Variants in NXN observed in about 807,000 individuals in gnomAD.
NXN encodes nucleoredoxin 1.
NXN carries 16 observed loss-of-function variants against 48.6 expected under a neutral mutation model. The ratio of observed to expected loss-of-function variants is 0.33; its 90% CI spans 0.22 to 0.50. NXN has a LOEUF of 0.50. Ranked by LOEUF, NXN falls within the 20% of genes least tolerant of loss-of-function variation. The pLI is 0.98. For synonymous variants in NXN, 281 were observed against 269.6 expected (o/e 1.04, Z -0.41); for missense variants, 492 against 605.5 (o/e 0.81, Z 1.97).
At chr17:874,922 G>A (rs1035582312) in intron 1 of NXN, among the ~76,000 whole-genome samples, 5 of 152,068 alleles carry the variant, frequency 3.3e-5, no homozygotes, top group Non-Finnish European at 5.9e-5. Context: ...CTACAGAAAA[G>A]AACAATTTCA....
chr17:823,937 C>T (rs536077314), intron 2 of NXN, among the ~76,000 whole-genome samples, 172 bp from the exon 3 acceptor site: 2 of 152,200 alleles, frequency 1.3e-5, no homozygotes, highest in African/African-American at 4.8e-5. Flanking sequence ...ACACCTACAG[C>T]GTCTGCAGCT....
At chr17:893,149 G>A (rs1415193451) in intron 1 of NXN, among the ~76,000 whole-genome samples, 18 of 152,344 alleles carry the variant, frequency 1.2e-4, no homozygotes, top group African/African-American at 4.1e-4. Flanking sequence ...ACACGCCTAC[G>A]CAGGCCAAGT....
intron 1 of NXN, among the ~76,000 whole-genome samples, chr17:855,332 C>T (rs2067973828): frequency 1.3e-5 from 2 of 152,138 alleles, no homozygotes; most frequent in Admixed American, 1.3e-4. Flanking sequence ...AGAGAGGCAG[C>T]CTTTGAATCC....
intron 1 of NXN, among the ~76,000 whole-genome samples, chr17:832,413 C>T (rs1443844647): frequency 6.6e-6 from 1 of 151,588 alleles, no homozygotes; most frequent in Non-Finnish European, 1.5e-5. Flanking sequence ...GTCTCGATCT[C>T]CTGACCTCGT....
chr17:804,606 C>G (rs1911385921), intron 6 of NXN, among the ~76,000 whole-genome samples: 1 of 152,118 alleles, frequency 6.6e-6, no homozygotes, highest in Admixed American at 6.5e-5. Flanking sequence ...CCACGGAGCT[C>G]AGACTGGGTG....
chr17:812,782 A>G (rs956143600), intron 5 of NXN, among the ~76,000 whole-genome samples: 6 of 120,414 alleles, frequency 5.0e-5, no homozygotes, highest in Non-Finnish European at 9.3e-5. Flanking sequence ...AGGTGTGTGC[A>G]TGTGTGTAGG....
intron 1 of NXN, among the ~76,000 whole-genome samples, chr17:931,472 A>G (rs2068852589): frequency 6.6e-6 from 1 of 150,534 alleles, no homozygotes; most frequent in African/African-American, 2.5e-5. Context: ...AACAAGAAAG[A>G]TAAAGTCATA....
At chr17:943,566 A>C (rs948064086) in intron 1 of NXN, among the ~76,000 whole-genome samples, 2 of 152,232 alleles carry the variant, frequency 1.3e-5, no homozygotes, top group African/African-American at 4.8e-5. Context: ...TCACGCCTGT[A>C]ATCCCAGCAG....
At position 832,923 on chromosome 17, in the gene NXN, C is replaced by T. The variant is rs193133913; in HGVS notation, c.361-6845G>A. 8.1e-3 allele frequency among the ~76,000 whole-genome samples: 1,203 copies of T among 148,500 alleles called. 22 individuals are homozygous for T. The highest frequency in any genetic ancestry group is 0.028 in the African/African-American group (1,127 of 40,408). On this transcript the variant is annotated intron_variant, in intron 1 of 7. Transcript: ENST00000336868. Reference sequence around the variant, plus strand: ...TATTTGTTTCTTTGAGACGGAGTCTCGCTGTCCCCCAGGCTGGAGTGCAGT... The same window carrying T: ...TATTTGTTTCTTTGAGACGGAGTCTTGCTGTCCCCCAGGCTGGAGTGCAGT...
intron 1 of NXN, among the ~76,000 whole-genome samples, chr17:970,672 T>C (rs1042902655): frequency 2.6e-5 from 4 of 152,196 alleles, no homozygotes; most frequent in Non-Finnish European, 4.4e-5. Context: ...TAAGGTACAA[T>C]TCCGTGAACA....
chr17:811,738 G>A (rs928754418), intron 5 of NXN, among the ~76,000 whole-genome samples: 2 of 152,006 alleles, frequency 1.3e-5, no homozygotes, highest in African/African-American at 4.8e-5. Flanking sequence ...GGCAGAGGCC[G>A]CCACCCTGTG....
intron 1 of NXN, among the ~76,000 whole-genome samples, chr17:971,445 T>C (rs1036318322): frequency 6.6e-5 from 10 of 151,172 alleles, no homozygotes; most frequent in African/African-American, 2.4e-4. Context: ...GCGCGGTGGC[T>C]CACGCCTGTC....
intron 1 of NXN, among the ~76,000 whole-genome samples, chr17:871,311 A>G (rs1318318011): frequency 3.3e-5 from 5 of 151,798 alleles, no homozygotes; most frequent in African/African-American, 1.2e-4. Flanking sequence ...CTCAATGATG[A>G]GGCCAACAAG....
At chr17:906,351 T>C (rs933638211) in intron 1 of NXN, among the ~76,000 whole-genome samples, 1 of 149,670 alleles carries the variant, frequency 6.7e-6, no homozygotes, top group East Asian at 2.0e-4. Context: ...ATAAATACCA[T>C]GTTTTTTAAA....
intron 1 of NXN, among the ~76,000 whole-genome samples, chr17:856,533 C>G (rs1237078324): frequency 6.7e-6 from 1 of 149,314 alleles, no homozygotes; most frequent in East Asian, 2.0e-4. Context: ...CTCTGTCGCC[C>G]AGGCTGGAGT....
At position 807,469 on chromosome 17, in the gene NXN, C is replaced by T. The variant is rs370586946; in HGVS notation, c.821-2222G>A. On this transcript the variant is annotated intron_variant, in intron 5 of 7. Coordinates refer to ENST00000336868, the MANE Select transcript of NXN (RefSeq NM_022463.5). ...AAGCTGCCCATTTCCCGGCTCAGCG[C>T]CTGGGGCTCTCCGAGGGCCTCCTCC... 1.6e-4 allele frequency among the ~76,000 whole-genome samples: 25 copies of T among 152,316 alleles called. No homozygotes were observed. The East Asian group carries it at 3.3e-3, about 20-fold the overall frequency.
At chr17:817,802 T>G (rs906358066) in intron 5 of NXN, among the ~76,000 whole-genome samples, 1 of 152,136 alleles carries the variant, frequency 6.6e-6, no homozygotes, top group Non-Finnish European at 1.5e-5. Context: ...TAGCTGTATC[T>G]GTTTACAGCT....
intron 1 of NXN, among the ~76,000 whole-genome samples, chr17:916,810 A>G (rs1384790100): frequency 6.6e-6 from 1 of 152,172 alleles, no homozygotes; most frequent in East Asian, 1.9e-4. Context: ...AGGCAGGAGA[A>G]TCACTTGAAC....
rs546087776 is a variant in NXN, at chr17:895,626, C to T, written c.361-69548G>A. ...AGGAGATCAAGACCATCCTGGCTAA[C>T]ACGGTGAAACCCCGTCTCTACTTAA... On this transcript the variant is annotated intron_variant, in intron 1 of 7. Coordinates refer to ENST00000336868, the MANE Select transcript of NXN (RefSeq NM_022463.5). Among the ~76,000 whole-genome samples, 279 of 142,496 alleles carry T rather than the reference C, an allele frequency of 2.0e-3. 1 individual carries two copies. The highest frequency in any genetic ancestry group is 6.8e-3 in the African/African-American group (264 of 38,550). 93.5% of individuals were successfully genotyped at this position (142,496 alleles called of 152,430 possible).
Sources: gnomAD v4.1 joint callset for allele counts (sites outside exome capture counted in the v4.1 genomes callset) on GRCh38, gnomAD v4.1.1 for gene constraint, MANE v1.5 for transcripts, NCBI Gene and HGNC (gene_info 2026-07-23, HGNC 2026-07-21) for gene names.